The following NCLN variants were observed in gnomAD, a reference collection of about 807,000 sequenced individuals.
The protein encoded by NCLN is BOS complex subunit NCLN.
A neutral mutation model predicts 69.5 loss-of-function variants in NCLN; 34 were observed. The observed-to-expected ratio is 0.49, with a 90% CI of 0.37 to 0.65. The LOEUF (loss-of-function observed/expected upper bound fraction) is 0.65. NCLN is among the 30% of genes least tolerant of loss of function. The pLI is 0.00. For synonymous variants in NCLN, 393 were observed against 358.3 expected (o/e 1.10, Z -1.09); for missense variants, 710 against 804.8 (o/e 0.88, Z 1.42).
At chr19:3,192,703 C>G in intron 2 of NCLN, 43 bp downstream of exon 2, 1 of 1,468,090 alleles carries the variant, frequency 6.8e-7, no homozygotes, top group South Asian at 1.4e-5. Context: ...TCCAGAGCTG[C>G]GGCGGGAGTT....
chr19:3,203,921 T>C, intron 7 of NCLN, 77 bp downstream of exon 7: 2 of 1,568,054 alleles, frequency 1.3e-6, no homozygotes, highest in Non-Finnish European at 1.7e-6. Context: ...GGGGTTGCCA[T>C]GGGGGCAGCC....
chr19:3,193,113 C>T (rs1046321688), intron 2 of NCLN, among the ~76,000 whole-genome samples, 171 bp from the exon 3 acceptor site: 2 of 148,626 alleles, frequency 1.3e-5, no homozygotes, highest in South Asian at 2.2e-4. Flanking sequence ...TTCATGCCGC[C>T]CTCTGAGGGC....
chr19:3,199,042 C>T (rs541995730), intron 5 of NCLN, 145 bp downstream of exon 5: 66 of 524,444 alleles, frequency 1.3e-4, no homozygotes, highest in Middle Eastern at 3.1e-4. Context: ...TCCTGGTCCC[C>T]GCGAGGGCCT....
chr19:3,196,130 C>A, intron 3 of NCLN, 53 bp from the exon 4 acceptor site: 1 of 1,391,330 alleles, frequency 7.2e-7, no homozygotes, highest in Non-Finnish European at 9.8e-7. Context: ...GGGATGCCCC[C>A]TGGCTGGGGC....
rs575096154 is a variant in NCLN, at chr19:3,196,553, G to A, written c.615+276G>A. On this transcript the variant is annotated intron_variant, in intron 4 of 14. Transcript: ENST00000246117. ...ATCATGGACCCCCACACACCAAGCC[G>A]CTGCCTCCCACCCCAGGGCCTTTGC... 6.6e-5 allele frequency among the ~76,000 whole-genome samples: 10 copies of A among 151,896 alleles called. No homozygotes were observed. The East Asian group carries it at 1.7e-3, about 26-fold the overall frequency.
intron 6 of NCLN, 109 bp from the exon 7 acceptor site, chr19:3,203,647 G>A: frequency 1.0e-6 from 1 of 974,034 alleles, no homozygotes; most frequent in Non-Finnish European, 1.5e-6. Context: ...AGGATTTCCT[G>A]CTTTGGGGAG....
At chr19:3,188,371 C>T (rs1915724661) in intron 1 of NCLN, among the ~76,000 whole-genome samples, 1 of 152,226 alleles carries the variant, frequency 6.6e-6, no homozygotes, top group African/African-American at 2.4e-5. Flanking sequence ...TGCATGTTGT[C>T]TATCGAGTGA....
chr19:3,198,112 GCA>G (rs990303490), intron 4 of NCLN, among the ~76,000 whole-genome samples: 2 of 152,198 alleles, frequency 1.3e-5, no homozygotes, highest in African/African-American at 4.8e-5. Flanking sequence ...AGGGAGGGGT[GCA>G]CACAGACCCT....
rs768341621 is a variant in NCLN at position 3,205,727 on chromosome 19, A to G, written c.1209-212A>G. ...GCGTGAGCCTTACCTGCGCACAGGG[A>G]CGGGTCAGGGCAAGGGGCCTGGAGG... On this transcript the variant is annotated intron_variant, in intron 9 of 14. Coordinates refer to ENST00000246117, the MANE Select transcript of NCLN (RefSeq NM_020170.4). This position sits in a 1 kb window ranked among gnomAD's most constrained non-coding sequence, Gnocchi z 4.6. 5.2e-6 allele frequency: 3 copies of G among 573,296 alleles called. No individual in the cohort carries two copies. Among genetic ancestry groups the G allele is most frequent in the African/African-American group, 1.9e-5 (1 of 52,826 alleles). 35.5% of individuals were successfully genotyped at this position (573,296 alleles called of 1,614,324 possible). A position where few individuals can be genotyped will look rare whatever the true frequency, so the allele number is the denominator to read the frequency against.
In NCLN at chr19:3,204,626, C is replaced by A; in HGVS notation, c.1083C>A (p.Ile361=). ...EVRFSMVHKR[I]NLAEDVLAWE... ...GGTTCTCCATGGTGCACAAGCGGATCAACCTGGCGGAGGACGTGCTGGCCT... is the reference window on the plus strand; with the variant it reads ...GGTTCTCCATGGTGCACAAGCGGATAAACCTGGCGGAGGACGTGCTGGCCT... Residue 361 remains isoleucine (I), a synonymous_variant, in exon 9 of 15, where the codon ATC becomes ATA. Transcript: ENST00000246117. The A allele has an allele frequency of 6.2e-7, 1 of 1,604,786 alleles. No homozygotes were observed. The highest frequency in any genetic ancestry group is 1.1e-5 in the South Asian group (1 of 90,216).
At chr19:3,192,727 T>C (rs1406817539) in intron 2 of NCLN, 67 bp downstream of exon 2, 1 of 1,417,094 alleles carries the variant, frequency 7.1e-7, no homozygotes, top group African/African-American at 1.5e-5. Context: ...GGCAACTGTG[T>C]GACCCTAGGC....
At chr19:3,199,119 G>A (rs1378670576) in intron 5 of NCLN, among the ~76,000 whole-genome samples, 3 of 152,202 alleles carry the variant, frequency 2.0e-5, no homozygotes, top group Admixed American at 6.5e-5. Flanking sequence ...TCCAGGGCAC[G>A]GCGGTGTCTG....
chr19:3,200,109 T>C (rs1916086793), intron 5 of NCLN, among the ~76,000 whole-genome samples: 1 of 151,998 alleles, frequency 6.6e-6, no homozygotes, highest in South Asian at 2.1e-4. Flanking sequence ...CCCCCAGCCT[T>C]GAGAATGCCT....
At chr19:3,206,975 C>T (rs1916287132) in intron 12 of NCLN, among the ~76,000 whole-genome samples, 1 of 152,120 alleles carries the variant, frequency 6.6e-6, no homozygotes, top group African/African-American at 2.4e-5. Flanking sequence ...GCACCCGCCA[C>T]CATGCCCGGC....
intron 5 of NCLN, among the ~76,000 whole-genome samples, chr19:3,200,799 G>A (rs1916106695): frequency 1.3e-5 from 2 of 151,998 alleles, no homozygotes. Context: ...CCCAGCATGT[G>A]CGCATCCGTC....
chr19:3,198,822 G>A lies in NCLN; in HGVS notation c.621G>A (p.Arg207=). ...CCCCTGCTCTCTATCCACAGGGGCG[G>A]CTGACGGGGCTGGGCGGAGAGGACC... ...SDWLIASVEG[R]LTGLGGEDLP... The change falls in exon 5 of 15, where the codon CGG becomes CGA. Residue 207 remains arginine, a synonymous_variant. Transcript: ENST00000246117. The A allele has an allele frequency of 1.3e-6, 2 of 1,579,140 alleles. No individual in the cohort carries two copies. Among genetic ancestry groups the A allele is most frequent in the Non-Finnish European group, 1.7e-6 (2 of 1,164,024 alleles).
chr19:3,200,195 C>T (rs901427361), intron 5 of NCLN, among the ~76,000 whole-genome samples: 14 of 152,224 alleles, frequency 9.2e-5, no homozygotes, highest in African/African-American at 3.4e-4. Context: ...GCAATCCACC[C>T]GCCTCGGCCT....
intron 3 of NCLN, 92 bp from the exon 4 acceptor site, chr19:3,196,091 C>G (rs577813108): frequency 6.9e-6 from 6 of 865,308 alleles, no homozygotes; most frequent in Middle Eastern, 2.3e-4. Context: ...TGGCTCTGCC[C>G]GAGCCCCCAA....
intron 1 of NCLN, among the ~76,000 whole-genome samples, chr19:3,187,630 G>C (rs1915704325): frequency 6.6e-6 from 1 of 152,230 alleles, no homozygotes; most frequent in Non-Finnish European, 1.5e-5. Flanking sequence ...GGACATCTGT[G>C]GTTGTCACGA....
Sources: gnomAD v4.1 joint callset for allele counts (sites outside exome capture counted in the v4.1 genomes callset) on GRCh38, gnomAD v4.1.1 for gene constraint, Gnocchi (gnomAD v3.1) non-coding constraint, MANE v1.5 for transcripts, NCBI Gene and HGNC (gene_info 2026-07-23, HGNC 2026-07-21) for gene names.